The following RELN variants were observed in gnomAD, a reference collection of about 807,000 sequenced individuals.
The protein encoded by RELN is reelin.
Under a neutral mutation model 427.6 loss-of-function variants are expected in RELN, and 108 were observed. The ratio of observed to expected loss-of-function variants is 0.25; its 90% confidence interval spans 0.22 to 0.30. The LOEUF (loss-of-function observed/expected upper bound fraction) is 0.30. Ranked by LOEUF, RELN falls within the 10% of genes least tolerant of loss-of-function variation. The probability of loss-of-function intolerance (pLI) is 1.00; values close to 1 mark genes in which losing one functional copy is unlikely to be tolerated. For synonymous variants in RELN, 1,524 were observed against 1,513.4 expected (o/e 1.01, Z -0.16); for missense variants, 3,715 against 4,302.8 (o/e 0.86, Z 3.82).
intron 2 of RELN, among the ~76,000 whole-genome samples, chr7:103,856,229 G>A (rs985827938): frequency 1.3e-5 from 2 of 152,040 alleles, no homozygotes; most frequent in African/African-American, 4.8e-5. Context: ...CATAAAACGG[G>A]GGAGGGGCAA....
At chr7:103,574,773 C>T (rs192174487) in intron 29 of RELN, among the ~76,000 whole-genome samples, 6 of 152,194 alleles carry the variant, frequency 3.9e-5, no homozygotes, top group Non-Finnish European at 7.4e-5. Flanking sequence ...GGCTGGGATA[C>T]TGAAAAGCTG....
chr7:103,887,894 C>T (rs571416779), intron 2 of RELN, among the ~76,000 whole-genome samples: 1 of 152,220 alleles, frequency 6.6e-6, no homozygotes, highest in South Asian at 2.1e-4. Flanking sequence ...ACATGCTCAT[C>T]TCTCATTACA....
rs973143340 is a variant in RELN, at chr7:103,919,413, C to T, written c.227-2228G>A. 5.3e-5 allele frequency among the ~76,000 whole-genome samples: 8 copies of T among 152,210 alleles called. No individual in the cohort carries two copies. The East Asian group carries it at 1.2e-3, about 22-fold the overall frequency. Reference sequence around the variant, plus strand: ...CTGAAAACTTCACACCAAGGAACTTCGACTTTGAATCTATGTCAGGAACAC... The same window carrying T: ...CTGAAAACTTCACACCAAGGAACTTTGACTTTGAATCTATGTCAGGAACAC... On this transcript the variant is annotated intron_variant, in intron 1 of 64. Coordinates refer to ENST00000428762, the MANE Select transcript of RELN (RefSeq NM_005045.4).
rs776804213 is a variant in RELN at position 103,698,042 on chromosome 7, G to C, written c.954C>G (p.Asp318Glu). 15 of 1,613,788 alleles carry C rather than the reference G, an allele frequency of 9.3e-6. No individual in the cohort carries two copies. The South Asian group carries it at 1.6e-4, about 18-fold the overall frequency. The change falls in exon 10 of 65, where the codon GAC becomes GAG. Residue 318 changes from aspartate (D) to glutamate (E), a missense_variant. By Grantham distance (45) the Asp-to-Glu change is conservative (BLOSUM62 2). Coordinates refer to ENST00000428762, the MANE Select transcript of RELN (RefSeq NM_005045.4). ...TIIHILYLPE[D>E]AKGENVQFQW... ...GAAATTGGACATTCTCCCCTTTGGC[G>C]TCCTCAGGAAGGTAGAGGATATGGA...
intron 3 of RELN, among the ~76,000 whole-genome samples, chr7:103,806,083 T>C (rs1792592838): frequency 6.6e-6 from 1 of 152,254 alleles, no homozygotes; most frequent in Non-Finnish European, 1.5e-5. Flanking sequence ...ATATAGTATG[T>C]ATTTTTAGAG....
intron 1 of RELN, among the ~76,000 whole-genome samples, chr7:103,955,713 C>G (rs1796419689): frequency 6.6e-6 from 1 of 152,174 alleles, no homozygotes; most frequent in Non-Finnish European, 1.5e-5. Flanking sequence ...AACACTTTGG[C>G]TTCTGTTTCT....
chr7:103,899,840 C>G (rs937689673), intron 2 of RELN, among the ~76,000 whole-genome samples: 1 of 152,122 alleles, frequency 6.6e-6, no homozygotes, highest in African/African-American at 2.4e-5. Context: ...CAGCCAATAT[C>G]ACACTGAATG....
In RELN at chr7:103,482,980, C is replaced by T. The variant is rs1004382075; in HGVS notation, c.10182-9G>A. 9 of 1,612,338 alleles carry T rather than the reference C, an allele frequency of 5.6e-6. No individual in the cohort carries two copies. In the Admixed American group the frequency reaches 8.3e-5, roughly 15 times the overall value. ...CTTTCATCCGTGCCTCCCTGGGTCA[C>T]ACACAGAAGGACAAAGAAGTTATAC... On this transcript the variant is annotated splice_polypyrimidine_tract_variant and intron_variant, in intron 62 of 64. Transcript: ENST00000428762.
intron 38 of RELN, among the ~76,000 whole-genome samples, 198 bp from the exon 39 acceptor site, chr7:103,554,029 T>TA (rs990693775): frequency 9.2e-5 from 14 of 151,798 alleles, no homozygotes; most frequent in African/African-American, 2.4e-4. Flanking sequence ...CTACAAAAAA[T>TA]AAAAAAAATT....
At chr7:103,819,449 A>T (rs553173631) in intron 3 of RELN, among the ~76,000 whole-genome samples, 1 of 152,262 alleles carries the variant, frequency 6.6e-6, no homozygotes, top group African/African-American at 2.4e-5. Flanking sequence ...GATATAATAC[A>T]ACCCTTGGAT....
chr7:103,735,092 T>A (rs945067715), intron 6 of RELN, among the ~76,000 whole-genome samples: 1 of 151,966 alleles, frequency 6.6e-6, no homozygotes. Flanking sequence ...CATAAAAGAA[T>A]CAGTAAATAT....
intron 2 of RELN, among the ~76,000 whole-genome samples, chr7:103,901,111 T>A (rs1391351398): frequency 1.3e-5 from 2 of 152,012 alleles, no homozygotes; most frequent in Non-Finnish European, 2.9e-5. Context: ...AATGGACATC[T>A]CTCCAAAGAA....
At chr7:103,716,887 G>A (rs1391324783) in intron 8 of RELN, among the ~76,000 whole-genome samples, 1 of 152,148 alleles carries the variant, frequency 6.6e-6, no homozygotes, top group Non-Finnish European at 1.5e-5. Flanking sequence ...TTTCATGGAG[G>A]AGTGGTGTTT....
At chr7:103,728,942 A>G (rs893689101) in intron 6 of RELN, among the ~76,000 whole-genome samples, 46 of 152,306 alleles carry the variant, frequency 3.0e-4, no homozygotes, top group African/African-American at 1.1e-3. Flanking sequence ...TCTTTATACT[A>G]TAAAACGAAG....
chr7:103,914,098 C>A (rs954045331), intron 2 of RELN, among the ~76,000 whole-genome samples: 3 of 152,092 alleles, frequency 2.0e-5, no homozygotes, highest in Admixed American at 6.6e-5. Flanking sequence ...AAGTACAAAT[C>A]GACTTTTTAC....
rs1412992533 is a variant in RELN at position 103,652,558 on chromosome 7, C to T, written c.1756G>A (p.Gly586Ser). Residue 586 changes from glycine to serine, a missense_variant, in exon 14 of 65, where the codon GGT (glycine) becomes AGT (serine). This residue lies in a region of RELN where 2,208 missense variants were observed against 2,361.7 expected (regional missense o/e 0.93). Coordinates refer to ENST00000428762, the MANE Select transcript of RELN (RefSeq NM_005045.4). ...CAAAATAGGGCTTCCTACCTGTTAC[C>T]AGGCTGATGCGTTCCACATCCCAGA... ...INLGCGTHQP[G>S]NSVSLEFSTN... is the part of the protein sequence containing the mutation. 4 of 1,612,158 alleles carry T rather than the reference C, an allele frequency of 2.5e-6. No homozygotes were observed. In the African/African-American group the frequency reaches 5.3e-5, roughly 22 times the overall value.
intron 5 of RELN, among the ~76,000 whole-genome samples, chr7:103,752,134 A>G (rs549658831): frequency 3.5e-4 from 54 of 152,322 alleles, no homozygotes; most frequent in African/African-American, 1.3e-3. Context: ...TATGAAAACA[A>G]AATCATTTAT....
intron 1 of RELN, among the ~76,000 whole-genome samples, chr7:103,984,807 G>A (rs1009642207): frequency 2.6e-5 from 4 of 152,000 alleles, no homozygotes; most frequent in Admixed American, 2.0e-4. Flanking sequence ...ATAAATAACC[G>A]ATCACCTGAT....
Position 103,725,438 on chromosome 7 carries a change from C to T in RELN, c.754-2247G>A, listed in dbSNP as rs370591130. Among the ~76,000 whole-genome samples the T allele has an allele frequency of 8.9e-4, 80 of 89,556 alleles. 2 individuals are homozygous for T. Among genetic ancestry groups the T allele is most frequent in the African/African-American group, 3.2e-3 (75 of 23,694 alleles). 58.8% of individuals were successfully genotyped at this position (89,556 alleles called of 152,430 possible). ...GGTGTGGTGGTGCATGCCTGTAGTCCCAGCTACTTAGGAGGCTGAGGCAGG... is the reference window on the plus strand; with the variant it reads ...GGTGTGGTGGTGCATGCCTGTAGTCTCAGCTACTTAGGAGGCTGAGGCAGG... On this transcript the variant is annotated intron_variant, in intron 7 of 64. Coordinates refer to ENST00000428762, the MANE Select transcript of RELN (RefSeq NM_005045.4).
Sources: allele counts gnomAD v4.1 joint callset (sites outside exome capture counted in the v4.1 genomes callset), GRCh38; gene constraint gnomAD v4.1.1; regional missense constraint gnomAD v4.1.1; transcripts MANE v1.5; gene names NCBI Gene and HGNC (gene_info 2026-07-23, HGNC 2026-07-21).